The following RIMS1 variants were observed in gnomAD, a reference collection of about 807,000 sequenced individuals.
RIMS1 encodes the protein regulating synaptic membrane exocytosis protein 1.
Under a neutral mutation model 214.1 loss-of-function variants are expected in RIMS1, and 83 were observed. That is an observed-to-expected ratio of 0.39 (90% CI 0.32 to 0.47). RIMS1 has a LOEUF of 0.47. RIMS1 is among the 20% of genes least tolerant of loss of function. The pLI, the probability that RIMS1 is intolerant of heterozygous loss-of-function variation, is 0.99. For synonymous variants in RIMS1, 793 were observed against 786.8 expected (o/e 1.01, Z -0.13); for missense variants, 2,050 against 2,161.8 (o/e 0.95, Z 1.03).
chr6:71,980,926 G>A (rs1798329355), intron 2 of RIMS1, among the ~76,000 whole-genome samples: 1 of 152,014 alleles, frequency 6.6e-6, no homozygotes, highest in African/African-American at 2.4e-5. Context: ...TAAAAAATAA[G>A]GATAGAAAAG....
chr6:72,334,030 C>T (rs1057385032), intron 29 of RIMS1, among the ~76,000 whole-genome samples, 195 bp downstream of exon 29: 1 of 151,726 alleles, frequency 6.6e-6, no homozygotes, highest in Non-Finnish European at 1.5e-5. Context: ...CAAGGTATCA[C>T]TTTTAAATCT....
intron 29 of RIMS1, among the ~76,000 whole-genome samples, chr6:72,352,983 C>CTTTTTTTTTTTTT (rs70994123): frequency 1.9e-4 from 17 of 88,292 alleles, no homozygotes; most frequent in East Asian, 4.4e-4. Flanking sequence ...ATTCTTTTTT[C>CTTTTTTTTTTTTT]TTTTTTTTTT....
intron 1 of RIMS1, among the ~76,000 whole-genome samples, chr6:71,907,993 T>G (rs1169111356): frequency 6.6e-6 from 1 of 152,166 alleles, no homozygotes; most frequent in Admixed American, 6.5e-5. Flanking sequence ...GACTTTTGCC[T>G]TTATTATAGC....
At chr6:72,138,079 T>A (rs1398547572) in intron 4 of RIMS1, among the ~76,000 whole-genome samples, 1 of 152,076 alleles carries the variant, frequency 6.6e-6, no homozygotes, top group Non-Finnish European at 1.5e-5. Context: ...TGAGTCTGTG[T>A]GTGTGTGTGT....
At chr6:72,368,249 T>C (rs939228418) in intron 29 of RIMS1, among the ~76,000 whole-genome samples, 36 of 151,052 alleles carry the variant, frequency 2.4e-4, no homozygotes, top group Middle Eastern at 3.4e-3. Flanking sequence ...CCTTATGTTA[T>C]AAACTTGGTG....
intron 6 of RIMS1, among the ~76,000 whole-genome samples, chr6:72,215,774 T>C (rs914289351): frequency 1.3e-5 from 2 of 152,220 alleles, no homozygotes; most frequent in East Asian, 1.9e-4. Context: ...ACCGTAAATA[T>C]GTTCTTTTAA....
intron 2 of RIMS1, among the ~76,000 whole-genome samples, chr6:71,994,572 C>T (rs753956556): frequency 2.0e-5 from 3 of 151,992 alleles, no homozygotes; most frequent in Non-Finnish European, 4.4e-5. Flanking sequence ...TTTAATTGCC[C>T]AAGGAGTCTC....
intron 2 of RIMS1, among the ~76,000 whole-genome samples, chr6:71,996,425 T>C (rs538456427): frequency 6.4e-4 from 98 of 152,334 alleles, no homozygotes; most frequent in Middle Eastern, 3.4e-3. Flanking sequence ...TTCACTATTA[T>C]GTTTTTCAAA....
chr6:72,127,305 TG>T (rs1241616056), intron 4 of RIMS1, among the ~76,000 whole-genome samples: 2 of 152,148 alleles, frequency 1.3e-5, no homozygotes, highest in African/African-American at 2.4e-5. Flanking sequence ...CATGCTGTGA[TG>T]TTTTTTTTTT....
At chr6:72,307,737 A>T (rs2154285994) in intron 27 of RIMS1, among the ~76,000 whole-genome samples, 1 of 152,058 alleles carries the variant, frequency 6.6e-6, no homozygotes, top group South Asian at 2.1e-4. Flanking sequence ...ACAGAGCAAG[A>T]CTCCATCTAA....
intron 4 of RIMS1, among the ~76,000 whole-genome samples, chr6:72,127,266 T>G (rs1313951747): frequency 2.0e-5 from 3 of 152,188 alleles, no homozygotes; most frequent in African/African-American, 7.2e-5. Flanking sequence ...TATATCTGCA[T>G]TCTTCTTTCT....
rs965721141 is a variant in RIMS1, at chr6:72,322,018, T to A, written c.4130+8346T>A. On this transcript the variant is annotated intron_variant, in intron 28 of 33. Transcript: ENST00000521978. ...AACATGAAACTAGGATTTAACCACA[T>A]CTGTAAATAATAAGCTATAGAAAGC... 3.9e-5 allele frequency among the ~76,000 whole-genome samples: 6 copies of A among 152,070 alleles called. No individual in the cohort carries two copies. The South Asian group carries it at 1.2e-3, about 32-fold the overall frequency.
rs1370612909 is a variant in RIMS1, at chr6:72,183,166, G to A, written c.1678+17G>A. On this transcript the variant is annotated intron_variant, in intron 6 of 33. Transcript: ENST00000521978. ...GCGAGAAAGGTAAGGGGGCGGCGCCGGCCGTGCGGGGACTTCAGCCAAGTG... is the reference window on the plus strand; with the variant it reads ...GCGAGAAAGGTAAGGGGGCGGCGCCAGCCGTGCGGGGACTTCAGCCAAGTG... 1 of 1,582,620 alleles carries A rather than the reference G, an allele frequency of 6.3e-7. No homozygotes were observed. Among genetic ancestry groups the A allele is most frequent in the Non-Finnish European group, 8.6e-7 (1 of 1,166,740 alleles).
At chr6:72,051,828 T>G (rs1188781757) in intron 2 of RIMS1, among the ~76,000 whole-genome samples, 2 of 152,216 alleles carry the variant, frequency 1.3e-5, no homozygotes, top group Non-Finnish European at 2.9e-5. Context: ...TGGTTAATCT[T>G]GCAAAGTATT....
intron 1 of RIMS1, among the ~76,000 whole-genome samples, chr6:71,966,346 A>G (rs1794432774): frequency 6.6e-6 from 1 of 152,274 alleles, no homozygotes; most frequent in East Asian, 1.9e-4. Flanking sequence ...GTTTATTTTT[A>G]TTATTCAATA....
intron 2 of RIMS1, among the ~76,000 whole-genome samples, chr6:72,008,212 C>A (rs2151819500): frequency 6.6e-6 from 1 of 152,190 alleles, no homozygotes; most frequent in African/African-American, 2.4e-5. Context: ...AATTTCATAT[C>A]CAGCCAAACT....
intron 2 of RIMS1, among the ~76,000 whole-genome samples, chr6:72,050,218 T>C (rs1824245330): frequency 6.6e-6 from 1 of 152,108 alleles, no homozygotes; most frequent in African/African-American, 2.4e-5. Flanking sequence ...TAATATCTAT[T>C]TTTTTAAGAA....
intron 4 of RIMS1, among the ~76,000 whole-genome samples, chr6:72,120,071 G>C (rs558478023): frequency 6.6e-6 from 1 of 151,710 alleles, no homozygotes; most frequent in African/African-American, 2.4e-5. Context: ...CATTTGGGTC[G>C]GTTCCAAGTC....
At chr6:72,126,765 A>T in intron 4 of RIMS1, 1 of 223,112 alleles carries the variant, frequency 4.5e-6, no homozygotes, top group Admixed American at 5.4e-5. Flanking sequence ...AAAAGTTAAA[A>T]AAAAAAAAAA....
Sources: allele counts gnomAD v4.1 joint callset (sites outside exome capture counted in the v4.1 genomes callset), GRCh38; gene constraint gnomAD v4.1.1; transcripts MANE v1.5; gene names NCBI Gene and HGNC (gene_info 2026-07-23, HGNC 2026-07-21).